Variants in DUSP7 observed in about 807,000 individuals in gnomAD.
DUSP7 encodes dual specificity phosphatase 7, also known as dual specificity protein phosphatase 7.
In DUSP7, 7 loss-of-function variants were observed where a neutral mutation model predicts 29.8. The ratio of observed to expected loss-of-function variants is 0.24; its 90% confidence interval spans 0.13 to 0.44. DUSP7 has a LOEUF of 0.44. Ranked by LOEUF, DUSP7 falls within the 20% of genes least tolerant of loss-of-function variation. The pLI is 1.00. For missense variants in DUSP7, 400 were observed against 583.7 expected (o/e 0.69, Z 3.24); for synonymous variants, 287 against 275.4 (o/e 1.04, Z -0.42).
Position 52,051,104 on chromosome 3 carries a change from T to C in DUSP7, c.971A>G (p.Lys324Arg), listed in dbSNP as rs1701842169. 3 of 1,609,798 alleles carry C rather than the reference T, an allele frequency of 1.9e-6. No individual in the cohort carries two copies. Among genetic ancestry groups the C allele is most frequent in the Non-Finnish European group, 2.5e-6 (3 of 1,177,894 alleles). ...ISFIDEARSK[K>R]CGVLVHCLAG... ...CAGGCAGTGCACCAGGACACCACAC[T>C]TCTTGGAGCGGGCTTCGTCTGAAAC... Residue 324 changes from lysine to arginine, a missense_variant, in exon 3 of 3, where the codon AAG (lysine) becomes AGG (arginine). This residue lies in a region of DUSP7 where 223 missense variants were observed against 360.9 expected (regional missense o/e 0.62). Coordinates refer to ENST00000495880, the MANE Select transcript of DUSP7 (RefSeq NM_001947.4). This position sits in a 1 kb window ranked among gnomAD's most constrained non-coding sequence, Gnocchi z 4.8.
At position 52,056,198 on chromosome 3, in the gene DUSP7, C is replaced by G; in HGVS notation, c.169G>C (p.Ala57Pro). ...TGAGAMPCKS[A>P]EWLQEELEAR... ...TCCAGCTCCTCCTGCAGCCACTCGG[C>G]GCTCTTGCAGGGCATGGCCCCTGCC... The change falls in exon 1 of 3, where the codon GCC becomes CCC. Residue 57 changes from alanine to proline, a missense_variant. By Grantham distance (27) the Ala-to-Pro change is conservative. Coordinates refer to ENST00000495880, the MANE Select transcript of DUSP7 (RefSeq NM_001947.4). This position sits in a 1 kb window ranked among gnomAD's most constrained non-coding sequence, Gnocchi z 6.4. 1.3e-6 allele frequency: 2 copies of G among 1,554,656 alleles called. No homozygotes were observed. The highest frequency in any genetic ancestry group is 2.7e-5 in the African/African-American group (2 of 74,018).
At position 52,049,782 on chromosome 3, in the gene DUSP7, A is replaced by G. The variant is rs76384506; in HGVS notation, c.*1033T>C. On this transcript the variant is annotated 3_prime_UTR_variant, in exon 3 of 3. Coordinates refer to ENST00000495880, the MANE Select transcript of DUSP7 (RefSeq NM_001947.4). ...AGAGAGAAAGAGAGAGAGGGAGAGGAAGAGAGAGAGACAGACAGACAGACA... is the reference window on the plus strand; with the variant it reads ...AGAGAGAAAGAGAGAGAGGGAGAGGGAGAGAGAGAGACAGACAGACAGACA... 1 of 151,932 alleles carries G rather than the reference A, an allele frequency of 6.6e-6. No homozygotes were observed. The highest frequency in any genetic ancestry group is 2.4e-5 in the African/African-American group (1 of 41,346). 9.4% of individuals were successfully genotyped at this position (151,932 alleles called of 1,614,324 possible).
At position 52,054,466 on chromosome 3, in the gene DUSP7, C is replaced by T. The variant is rs1701878410; in HGVS notation, c.518-92G>A. The T allele has an allele frequency of 2.8e-6, 3 of 1,071,404 alleles. No homozygotes were observed. In the East Asian group the frequency reaches 7.6e-5, roughly 27 times the overall value. The allele number at this position is 1,071,404 out of a possible 1,614,324, so 66.4% of individuals were successfully genotyped here. ...CAGAGATGGCCAGGACTCTGCACGC[C>T]AAACACCACAGCACCCACGGTCAGC... On this transcript the variant is annotated intron_variant, in intron 1 of 2. Coordinates refer to ENST00000495880, the MANE Select transcript of DUSP7 (RefSeq NM_001947.4). The surrounding 1 kb of genome is among the most constrained non-coding windows in gnomAD (Gnocchi z 4.1).
At position 52,055,857 on chromosome 3, in the gene DUSP7, G is replaced by A. The variant is rs745784746; in HGVS notation, c.510C>T (p.Tyr170=). The change falls in exon 1 of 3, where the codon TAC becomes TAT. Residue 170 remains tyrosine, a synonymous_variant. Transcript: ENST00000495880. ...TCTCGGTGCCGCCCTCACCTTGGAG[G>A]TAGTAGGCCTGGCAGCCGTCGTCGC... is the stretch of plus-strand genomic sequence containing the variant. ...KLRDDGCQAY[Y]LQGGFNKFQT... is the part of the protein sequence containing the mutation. 9.6e-6 allele frequency: 15 copies of A among 1,564,534 alleles called. No homozygotes were observed. The highest frequency in any genetic ancestry group is 1.2e-5 in the Non-Finnish European group (14 of 1,156,514).
chr3:52,050,789 G>C lies in DUSP7; in HGVS notation c.*26C>G. 6.3e-7 allele frequency: 1 copy of C among 1,596,864 alleles called. No homozygotes were observed. The highest frequency in any genetic ancestry group is 8.6e-7 in the Non-Finnish European group (1 of 1,168,454). On this transcript the variant is annotated 3_prime_UTR_variant, in exon 3 of 3. Coordinates refer to ENST00000495880, the MANE Select transcript of DUSP7 (RefSeq NM_001947.4). This position sits in a 1 kb window ranked among gnomAD's most constrained non-coding sequence, Gnocchi z 5.0. The stretch of plus-strand genomic sequence containing the variant: ...CTGTGGAGAGCCGAGCAGGGGCCTG[G>C]TGCCATGCCCCCCGTGCACCAGGCC...
chr3:52,056,245 G>T lies in DUSP7; in HGVS notation c.122C>A (p.Thr41Asn). 7.2e-7 allele frequency: 1 copy of T among 1,387,628 alleles called. No homozygotes were observed. The highest frequency in any genetic ancestry group is 1.5e-5 in the African/African-American group (1 of 65,568). The allele number at this position is 1,387,628 out of a possible 1,614,324, so 86.0% of individuals were successfully genotyped here. A position where few individuals can be genotyped will look rare whatever the true frequency, so the allele number is the denominator to read the frequency against. ...PGAGSGSGAG[T>N]GAGAATGAGA... Reference sequence around the variant, plus strand: ...TGCCCCCGTCGCCGCGCCCGCCCCGGTGCCTGCGCCGGACCCCGACCCCGC... The same window carrying T: ...TGCCCCCGTCGCCGCGCCCGCCCCGTTGCCTGCGCCGGACCCCGACCCCGC... The change falls in exon 1 of 3, where the codon ACC becomes AAC. Residue 41 changes from threonine to asparagine, a missense_variant. Physicochemically the swap from Thr to Asn is moderately conservative, Grantham distance 65 (BLOSUM62 0). This residue lies in a region of DUSP7 where 96 missense variants were observed against 97.1 expected (regional missense o/e 0.99). Transcript: ENST00000495880. This position sits in a 1 kb window ranked among gnomAD's most constrained non-coding sequence, Gnocchi z 6.4.
rs754162929 is a variant in DUSP7, at chr3:52,051,007, G to A, written c.1068C>T (p.Asp356=). 7.7e-5 allele frequency: 124 copies of A among 1,614,134 alleles called. 1 individual carries two copies. Among genetic ancestry groups the A allele is most frequent in the South Asian group, 5.8e-4 (53 of 91,092 alleles). Residue 356 remains aspartate, a synonymous_variant, in exon 3 of 3, where the codon GAC becomes GAT. Transcript: ENST00000495880. The surrounding 1 kb of genome is among the most constrained non-coding windows in gnomAD (Gnocchi z 4.8). The stretch of plus-strand genomic sequence containing the variant: ...TTTTCCTCTTGACAAAGTCGTAGGC[G>A]TCGTTGAGTGACAGGTTCATCTTCT... ...LMQKMNLSLN[D]AYDFVKRKKS...
Position 52,053,918 on chromosome 3 carries a change from C to CG in DUSP7, c.952+21_952+22insC. On this transcript the variant is annotated intron_variant, in intron 2 of 2. Coordinates refer to ENST00000495880, the MANE Select transcript of DUSP7 (RefSeq NM_001947.4). The surrounding 1 kb of genome is among the most constrained non-coding windows in gnomAD (Gnocchi z 4.6). ...TACACCTTGATGCACCCACACCCCC[C>CG]TGCCCAGCACACAGCACCTACCAAT... 1 of 1,614,044 alleles carries CG rather than the reference C, an allele frequency of 6.2e-7. No homozygotes were observed. Among genetic ancestry groups the CG allele is most frequent in the Non-Finnish European group, 8.5e-7 (1 of 1,179,924 alleles).
Position 52,053,376 on chromosome 3 carries a change from A to T in DUSP7, c.952+564T>A, listed in dbSNP as rs574198512. On this transcript the variant is annotated intron_variant, in intron 2 of 2. Transcript: ENST00000495880. This position sits in a 1 kb window ranked among gnomAD's most constrained non-coding sequence, Gnocchi z 4.6. ...TCTCCACTCCCCCACCTTCTCTTGC[A>T]CTCCTCCCTACACTCCAAGCAAGCC... is the stretch of plus-strand genomic sequence containing the variant. 68 of 163,450 alleles carry T rather than the reference A, an allele frequency of 4.2e-4. No individual in the cohort carries two copies. Among genetic ancestry groups the T allele is most frequent in the Non-Finnish European group, 6.6e-4 (49 of 73,880 alleles). 10.1% of individuals were successfully genotyped at this position (163,450 alleles called of 1,614,324 possible). A position where few individuals can be genotyped will look rare whatever the true frequency, so the allele number is the denominator to read the frequency against.
chr3:52,050,935 G>T lies in DUSP7; in HGVS notation c.1140C>A (p.Asp380Glu), dbSNP rs1243924467. 2.5e-6 allele frequency: 4 copies of T among 1,614,272 alleles called. No homozygotes were observed. Residue 380 changes from aspartate to glutamate, a missense_variant, in exon 3 of 3, where the codon GAC (aspartate) becomes GAA (glutamate). Physicochemically the swap from Asp to Glu is conservative, Grantham distance 45. Coordinates refer to ENST00000495880, the MANE Select transcript of DUSP7 (RefSeq NM_001947.4). The surrounding 1 kb of genome is among the most constrained non-coding windows in gnomAD (Gnocchi z 5.0). ...TGCTTAGCCCCAGCGTCCGCTCAAA[G>T]TCCAGCAGCTGCCCCATGAAGTTGA... ...PNFNFMGQLL[D>E]FERTLGLSSP...
chr3:52,052,213 C>G (rs1233251583), intron 2 of DUSP7: 1 of 152,300 alleles, frequency 6.6e-6, no homozygotes, highest in Non-Finnish European at 1.5e-5. Context: ...ATGTCCCCAC[C>G]ACCCTGACTC....
Position 52,056,219 on chromosome 3 carries a change from C to T in DUSP7, c.148G>A (p.Gly50Arg). The change falls in exon 1 of 3, where the codon GGG becomes AGG. Residue 50 changes from glycine to arginine, a missense_variant. Physicochemically the swap from Gly to Arg is moderately radical, Grantham distance 125 (BLOSUM62 -2). This residue lies in a region of DUSP7 where 96 missense variants were observed against 97.1 expected (regional missense o/e 0.99). Coordinates refer to ENST00000495880, the MANE Select transcript of DUSP7 (RefSeq NM_001947.4). The surrounding 1 kb of genome is among the most constrained non-coding windows in gnomAD (Gnocchi z 6.4). ...TCGGCGCTCTTGCAGGGCATGGCCC[C>T]TGCCCCCGTCGCCGCGCCCGCCCCG... ...GTGAGAATGAGAMPCKSAEWL... is the reference protein window; with the variant it reads ...GTGAGAATGARAMPCKSAEWL... 1 of 1,433,400 alleles carries T rather than the reference C, an allele frequency of 7.0e-7. No homozygotes were observed. Among genetic ancestry groups the T allele is most frequent in the Non-Finnish European group, 9.1e-7 (1 of 1,099,290 alleles). 88.8% of individuals were successfully genotyped at this position (1,433,400 alleles called of 1,614,324 possible). A position where few individuals can be genotyped will look rare whatever the true frequency, so the allele number is the denominator to read the frequency against.
In DUSP7 at chr3:52,053,901, G is replaced by T. The variant is rs774656580; in HGVS notation, c.952+39C>A. 5.6e-6 allele frequency: 9 copies of T among 1,611,432 alleles called. No individual in the cohort carries two copies. The South Asian group carries it at 8.8e-5, about 16-fold the overall frequency. On this transcript the variant is annotated intron_variant, in intron 2 of 2. Transcript: ENST00000495880. The surrounding 1 kb of genome is among the most constrained non-coding windows in gnomAD (Gnocchi z 4.6). Reference sequence around the variant, plus strand: ...CCACCCAGAGTCCTGCATACACCTTGATGCACCCACACCCCCCTGCCCAGC... The same window carrying T: ...CCACCCAGAGTCCTGCATACACCTTTATGCACCCACACCCCCCTGCCCAGC...
chr3:52,056,038 G>C lies in DUSP7; in HGVS notation c.329C>G (p.Pro110Arg). Residue 110 changes from proline to arginine, a missense_variant, in exon 1 of 3, where the codon CCC (proline) becomes CGC (arginine). Around this residue, in one of 4 missense-constraint regions of DUSP7, gnomAD observed 223 missense variants for 360.9 expected, o/e 0.62. Coordinates refer to ENST00000495880, the MANE Select transcript of DUSP7 (RefSeq NM_001947.4). The surrounding 1 kb of genome is among the most constrained non-coding windows in gnomAD (Gnocchi z 6.4). ...GTGGTTGGGGATGATGGAGCGGATG[G>C]GCAGGTTGCCCTTGCGCAGGCGGCG... ...MLRRLRKGNL[P>R]IRSIIPNHAD... The C allele has an allele frequency of 6.3e-7, 1 of 1,598,050 alleles. No individual in the cohort carries two copies. Among genetic ancestry groups the C allele is most frequent in the Non-Finnish European group, 8.5e-7 (1 of 1,172,792 alleles).
Position 52,049,750 on chromosome 3 carries a change from G to A in DUSP7, c.*1065C>T, listed in dbSNP as rs954539298. 6.6e-6 allele frequency: 1 copy of A among 152,198 alleles called. No homozygotes were observed. The highest frequency in any genetic ancestry group is 1.9e-4 in the East Asian group (1 of 5,178). The allele number at this position is 152,198 out of a possible 1,614,324, so 9.4% of individuals were successfully genotyped here. On this transcript the variant is annotated 3_prime_UTR_variant, in exon 3 of 3. Coordinates refer to ENST00000495880, the MANE Select transcript of DUSP7 (RefSeq NM_001947.4). ...GGGGAGAGAGAAAGAAAGAGAGAGA[G>A]AGGGAGAGAGAGAAAGAGAGAGAGG... is the stretch of plus-strand genomic sequence containing the variant.
Position 52,054,379 on chromosome 3 carries a change from G to A in DUSP7, c.518-5C>T. 6.6e-7 allele frequency: 1 copy of A among 1,523,206 alleles called. No homozygotes were observed. 94.4% of individuals were successfully genotyped at this position (1,523,206 alleles called of 1,614,324 possible). A position where few individuals can be genotyped will look rare whatever the true frequency, so the allele number is the denominator to read the frequency against. ...TTTGAAACTTGTTGAAACCACCTGT[G>A]TCCAGGGTGAGACAGGGCCTGGGTG... On this transcript the variant is annotated splice_region_variant and splice_polypyrimidine_tract_variant and intron_variant, in intron 1 of 2. Transcript: ENST00000495880. The surrounding 1 kb of genome is among the most constrained non-coding windows in gnomAD (Gnocchi z 4.1).
In DUSP7 at chr3:52,054,266, C is replaced by A; in HGVS notation, c.626G>T (p.Gly209Val). The A allele has an allele frequency of 6.2e-7, 1 of 1,604,604 alleles. No homozygotes were observed. The highest frequency in any genetic ancestry group is 8.5e-7 in the Non-Finnish European group (1 of 1,174,226). The part of the protein sequence containing the change: ...SPPTSVLGLG[G>V]LRISSDCSDG... ...GGAGCAGTCAGAGCTGATGCGCAGG[C>A]CCCCCAGGCCCAGCACTGAGGTGGG... Residue 209 changes from glycine (G) to valine (V), a missense_variant, in exon 2 of 3, where the codon GGC (glycine) becomes GTC (valine). Physicochemically the swap from Gly to Val is moderately radical, Grantham distance 109 (BLOSUM62 -3). This residue lies in a region of DUSP7 where 223 missense variants were observed against 360.9 expected (regional missense o/e 0.62). Transcript: ENST00000495880. The surrounding 1 kb of genome is among the most constrained non-coding windows in gnomAD (Gnocchi z 4.1).
chr3:52,056,218 C>A lies in DUSP7; in HGVS notation c.149G>T (p.Gly50Val). Residue 50 changes from glycine to valine, a missense_variant, in exon 1 of 3, where the codon GGG (glycine) becomes GTG (valine). Transcript: ENST00000495880. This position sits in a 1 kb window ranked among gnomAD's most constrained non-coding sequence, Gnocchi z 6.4. ...CTCGGCGCTCTTGCAGGGCATGGCC[C>A]CTGCCCCCGTCGCCGCGCCCGCCCC... ...GTGAGAATGA[G>V]AMPCKSAEWL... 1 of 1,439,962 alleles carries A rather than the reference C, an allele frequency of 6.9e-7. No homozygotes were observed. Among genetic ancestry groups the A allele is most frequent in the African/African-American group, 1.5e-5 (1 of 67,326 alleles). The allele number at this position is 1,439,962 out of a possible 1,614,324, so 89.2% of individuals were successfully genotyped here.
Position 52,056,276 on chromosome 3 carries a change from G to C in DUSP7, c.91C>G (p.Pro31Ala). ...GCGCCGGACCCCGACCCCGCACCGG[G>C]CTCGGACCCCGCCCGGGTGCCCCCA... is the stretch of plus-strand genomic sequence containing the variant. ...AAGGTRAGSE[P>A]GAGSGSGAGT... The change falls in exon 1 of 3, where the codon CCC (proline) becomes GCC (alanine). Residue 31 changes from proline (P) to alanine (A), a missense_variant. By Grantham distance (27) the Pro-to-Ala change is conservative. This residue lies in a region of DUSP7 where 96 missense variants were observed against 97.1 expected (regional missense o/e 0.99). Coordinates refer to ENST00000495880, the MANE Select transcript of DUSP7 (RefSeq NM_001947.4). This position sits in a 1 kb window ranked among gnomAD's most constrained non-coding sequence, Gnocchi z 6.4. The C allele has an allele frequency of 7.9e-7, 1 of 1,261,826 alleles. No homozygotes were observed. Among genetic ancestry groups the C allele is most frequent in the Non-Finnish European group, 9.9e-7 (1 of 1,007,372 alleles). The allele number at this position is 1,261,826 out of a possible 1,614,324, so 78.2% of individuals were successfully genotyped here. A position where few individuals can be genotyped will look rare whatever the true frequency, so the allele number is the denominator to read the frequency against.
Sources: allele counts gnomAD v4.1 joint callset, GRCh38; gene constraint gnomAD v4.1.1; regional missense constraint gnomAD v4.1.1; non-coding constraint Gnocchi (gnomAD v3.1); transcripts MANE v1.5; gene names NCBI Gene and HGNC (gene_info 2026-07-23, HGNC 2026-07-21).